The following AGPAT3 variants were observed in gnomAD, a reference collection of about 807,000 sequenced individuals.
AGPAT3 encodes 1-acyl-sn-glycerol-3-phosphate acyltransferase gamma.
AGPAT3 carries 5 observed loss-of-function variants against 47.3 expected under a neutral mutation model. The ratio of observed to expected loss-of-function variants is 0.11; its 90% confidence interval spans 0.06 to 0.22. The LOEUF (loss-of-function observed/expected upper bound fraction) is 0.22. Among genes scored for constraint, AGPAT3 ranks in the 10% least tolerant of loss-of-function variants. AGPAT3 has a pLI of 1.00. For missense variants in AGPAT3, 315 were observed against 493.0 expected, an observed-to-expected ratio of 0.64 and a Z score of 3.42; for synonymous variants, 212 against 208.3, an observed-to-expected ratio of 1.02 and a Z score of -0.15.
chr21:43,872,152 T>C (rs1417001021), intron 1 of AGPAT3, among the ~76,000 whole-genome samples: 1 of 152,140 alleles, frequency 6.6e-6, no homozygotes, highest in East Asian at 1.9e-4. Flanking sequence ...GGTGCCCTTA[T>C]TATTGTTCTT....
intron 2 of AGPAT3, among the ~76,000 whole-genome samples, chr21:43,956,822 T>C (rs2088490554): frequency 6.6e-6 from 1 of 152,204 alleles, no homozygotes; most frequent in Non-Finnish European, 1.5e-5. Flanking sequence ...TCACACATCC[T>C]TGTGATGTGG....
In AGPAT3 at chr21:43,955,974, G is replaced by A. The variant is rs527987701; in HGVS notation, c.-48-3660G>A. On this transcript the variant is annotated intron_variant, in intron 2 of 9. Transcript: ENST00000291572. This position sits in a 1 kb window ranked among gnomAD's most constrained non-coding sequence, Gnocchi z 4.1. The stretch of plus-strand genomic sequence containing the variant: ...AATCAGCAGGTCTGCTGTGGAGCCC[G>A]GGCATCTGCTTCTCGGAGCATCACA... 3.4e-4 allele frequency among the ~76,000 whole-genome samples: 52 copies of A among 152,044 alleles called. No homozygotes were observed. The highest frequency in any genetic ancestry group is 6.2e-4 in the Non-Finnish European group (42 of 67,998).
intron 3 of AGPAT3, among the ~76,000 whole-genome samples, chr21:43,963,790 C>T (rs1338485786): frequency 6.6e-6 from 1 of 151,414 alleles, no homozygotes; most frequent in African/African-American, 2.4e-5. Context: ...GGATGGTCAG[C>T]AGTGAGGCCG....
At chr21:43,964,276 T>G (rs1240405767) in intron 3 of AGPAT3, among the ~76,000 whole-genome samples, 1 of 152,084 alleles carries the variant, frequency 6.6e-6, no homozygotes, top group Non-Finnish European at 1.5e-5. Context: ...TCCCAGCTCC[T>G]CAGGAGGCAG....
chr21:43,900,546 G>A (rs2086325340), intron 1 of AGPAT3, among the ~76,000 whole-genome samples: 1 of 152,144 alleles, frequency 6.6e-6, no homozygotes, highest in Admixed American at 6.5e-5. Flanking sequence ...CTCCAGGAAG[G>A]CTGGAATGTA....
chr21:43,869,486 G>A (rs1042715362), intron 1 of AGPAT3, among the ~76,000 whole-genome samples: 2 of 152,220 alleles, frequency 1.3e-5, no homozygotes, highest in Non-Finnish European at 2.9e-5. Flanking sequence ...GAGGAAGACC[G>A]CGTCAGTTTG....
intron 2 of AGPAT3, among the ~76,000 whole-genome samples, chr21:43,918,862 C>T (rs1459231336): frequency 6.6e-6 from 1 of 152,240 alleles, no homozygotes; most frequent in Non-Finnish European, 1.5e-5. Context: ...CAGGTGTGAG[C>T]TACCCCTGCC....
chr21:43,978,309 G>GTT (rs2089700355), intron 8 of AGPAT3, among the ~76,000 whole-genome samples, 188 bp downstream of exon 8: 1 of 151,304 alleles, frequency 6.6e-6, no homozygotes, highest in African/African-American at 2.5e-5. Flanking sequence ...TTTTTGTTTT[G>GTT]TTTTGTTTTC....
At chr21:43,961,297 G>C (rs1055119190) in intron 3 of AGPAT3, among the ~76,000 whole-genome samples, 2 of 152,160 alleles carry the variant, frequency 1.3e-5, no homozygotes, top group Non-Finnish European at 2.9e-5. Context: ...TAGACACTTC[G>C]TCTCATATGG....
chr21:43,973,533 G>A (rs926952795), intron 7 of AGPAT3, among the ~76,000 whole-genome samples: 2 of 152,220 alleles, frequency 1.3e-5, no homozygotes, highest in Non-Finnish European at 2.9e-5. Flanking sequence ...CAAGCTGCAC[G>A]GCGCCTCCGC....
rs771837390 is a variant in AGPAT3, at chr21:43,967,932, C to A, written c.179-14C>A. 6 of 1,612,200 alleles carry A rather than the reference C, an allele frequency of 3.7e-6. No individual in the cohort carries two copies. Among genetic ancestry groups the A allele is most frequent in the Non-Finnish European group, 5.1e-6 (6 of 1,178,744 alleles). ...GGGGTCCTACCAGTGCCAACGCCCT[C>A]CCCCTGTCCGCAGAACTGGTCATGC... On this transcript the variant is annotated splice_polypyrimidine_tract_variant and intron_variant, in intron 3 of 9. Coordinates refer to ENST00000291572, the MANE Select transcript of AGPAT3 (RefSeq NM_020132.5).
At chr21:43,958,087 A>G (rs561540531) in intron 2 of AGPAT3, among the ~76,000 whole-genome samples, 1 of 152,392 alleles carries the variant, frequency 6.6e-6, no homozygotes, top group African/African-American at 2.4e-5. Flanking sequence ...CTCTGTTTGC[A>G]GAGATTGATT....
chr21:43,872,826 G>A lies in AGPAT3; in HGVS notation c.-112+7481G>A, dbSNP rs188275451. Among the ~76,000 whole-genome samples the A allele has an allele frequency of 3.9e-5, 6 of 152,340 alleles. No homozygotes were observed. The South Asian group carries it at 1.0e-3, about 26-fold the overall frequency. On this transcript the variant is annotated intron_variant, in intron 1 of 9. Transcript: ENST00000291572. ...TCCGGTGTGGGTACAAACAGTGGCC[G>A]TTTAGTTCTGAATCGTCCCACTCTG...
intron 3 of AGPAT3, among the ~76,000 whole-genome samples, chr21:43,962,435 G>A (rs965868736): frequency 6.6e-6 from 1 of 152,116 alleles, no homozygotes; most frequent in Non-Finnish European, 1.5e-5. Flanking sequence ...ATACAAAAAG[G>A]GCAAATATTA....
intron 2 of AGPAT3, chr21:43,947,158 A>G (rs1400508440): frequency 6.6e-6 from 1 of 152,360 alleles, no homozygotes; most frequent in Non-Finnish European, 1.5e-5. Context: ...GCCCAGCTCC[A>G]CCTCCTCCCT....
At chr21:43,882,837 C>T (rs2085883033) in intron 1 of AGPAT3, among the ~76,000 whole-genome samples, 1 of 152,136 alleles carries the variant, frequency 6.6e-6, no homozygotes, top group Admixed American at 6.5e-5. Context: ...AGGTAGCTGC[C>T]CAGCTCTGCC....
chr21:43,925,953 A>G (rs1601324564), intron 2 of AGPAT3, among the ~76,000 whole-genome samples: 2 of 152,264 alleles, frequency 1.3e-5, no homozygotes, highest in African/African-American at 4.8e-5. Context: ...CTGCCTGCCC[A>G]GGAGAAGCGG....
chr21:43,890,726 TTCA>T (rs1275230648), intron 1 of AGPAT3, among the ~76,000 whole-genome samples: 1 of 149,582 alleles, frequency 6.7e-6, no homozygotes, highest in Non-Finnish European at 1.5e-5. Context: ...TTTTTTTTTT[TTCA>T]TTTATTTATT....
chr21:43,945,024 G>C (rs1284774484), intron 2 of AGPAT3, among the ~76,000 whole-genome samples: 1 of 152,238 alleles, frequency 6.6e-6, no homozygotes, highest in East Asian at 1.9e-4. Context: ...CCCTTTCTCA[G>C]AAGCCCAGAG....
Sources: allele counts gnomAD v4.1 joint callset (sites outside exome capture counted in the v4.1 genomes callset), GRCh38; gene constraint gnomAD v4.1.1; non-coding constraint Gnocchi (gnomAD v3.1); transcripts MANE v1.5; gene names NCBI Gene and HGNC (gene_info 2026-07-23, HGNC 2026-07-21).